USP44: variants seen among roughly 807,000 people sequenced by gnomAD.
USP44 encodes the protein ubiquitin specific peptidase 44.
In USP44, 61 loss-of-function variants were observed where a neutral mutation model predicts 69.0. The ratio of observed to expected loss-of-function variants is 0.88; its 90% CI spans 0.72 to 1.09. USP44 has a LOEUF of 1.09. Ranked by LOEUF, USP44 falls within the 50% of genes least tolerant of loss-of-function variation. The pLI is 0.00. For missense variants in USP44, 753 were observed against 849.9 expected (o/e 0.89, Z 1.42); for synonymous variants, 297 against 295.4 (o/e 1.01, Z -0.06).
chr12:95,533,891 G>A lies in USP44; in HGVS notation c.366C>T (p.Ser122=). ...CTTRSGRFLR[S]MGTGDDSYFL... is the part of the protein sequence containing the mutation. Reference sequence around the variant, plus strand: ...AATAAGAATCATCACCTGTACCCATGGACCGTAAAAACCTCCCACTACGAG... The same window carrying A: ...AATAAGAATCATCACCTGTACCCATAGACCGTAAAAACCTCCCACTACGAG... Residue 122 remains serine, a synonymous_variant, in exon 2 of 6, where the codon TCC becomes TCT. Coordinates refer to ENST00000258499, the MANE Select transcript of USP44 (RefSeq NM_032147.5). 6.2e-7 allele frequency: 1 copy of A among 1,614,068 alleles called. No homozygotes were observed. Among genetic ancestry groups the A allele is most frequent in the South Asian group, 1.1e-5 (1 of 91,080 alleles).
In USP44 at chr12:95,516,891, T is replaced by C. The variant is rs1431287871; in HGVS notation, c.*1263A>G. ...TTCAACCTGCAAATAAACCCACTTATAAAAAAGGGATACATGATCTTCCTG... is the reference window on the plus strand; with the variant it reads ...TTCAACCTGCAAATAAACCCACTTACAAAAAAGGGATACATGATCTTCCTG... On this transcript the variant is annotated 3_prime_UTR_variant, in exon 6 of 6. Coordinates refer to ENST00000258499, the MANE Select transcript of USP44 (RefSeq NM_032147.5). 3 of 152,176 alleles carry C rather than the reference T, an allele frequency of 2.0e-5. No individual in the cohort carries two copies. Among genetic ancestry groups the C allele is most frequent in the Middle Eastern group, 3.4e-3 (1 of 294 alleles). 9.4% of individuals were successfully genotyped at this position (152,176 alleles called of 1,614,324 possible).
At chr12:95,521,681 T>C (rs2140216920) in intron 4 of USP44, among the ~76,000 whole-genome samples, 1 of 152,268 alleles carries the variant, frequency 6.6e-6, no homozygotes, top group African/African-American at 2.4e-5. Context: ...GAGACAGGAC[T>C]TTATCATGTT....
At chr12:95,526,019 C>T (rs548140210) in intron 3 of USP44, among the ~76,000 whole-genome samples, 1 of 152,318 alleles carries the variant, frequency 6.6e-6, no homozygotes, top group South Asian at 2.1e-4. Context: ...CCTAGCACAT[C>T]GGTCCAAGGG....
chr12:95,537,533 A>G (rs887595406), intron 1 of USP44, among the ~76,000 whole-genome samples: 12 of 152,000 alleles, frequency 7.9e-5, no homozygotes, highest in Non-Finnish European at 1.5e-4. Context: ...TGGCCAGGCT[A>G]GTCTTGAGCT....
chr12:95,528,721 G>T, intron 3 of USP44, 86 bp downstream of exon 3: 1 of 1,387,338 alleles, frequency 7.2e-7, no homozygotes, highest in Non-Finnish European at 9.7e-7. Flanking sequence ...TTTCATAACT[G>T]CTAAAGATTT....
chr12:95,536,199 C>A (rs111650863), intron 1 of USP44, among the ~76,000 whole-genome samples: 13 of 151,864 alleles, frequency 8.6e-5, no homozygotes, highest in Admixed American at 8.5e-4. Flanking sequence ...TGTGCCATTA[C>A]GCCTGGCTAA....
At position 95,518,049 on chromosome 12, in the gene USP44, G is replaced by A; in HGVS notation, c.*105C>T. On this transcript the variant is annotated 3_prime_UTR_variant, in exon 6 of 6. Coordinates refer to ENST00000258499, the MANE Select transcript of USP44 (RefSeq NM_032147.5). Reference sequence around the variant, plus strand: ...ATTGTTAGATATAAAATGTATAAATGTAGTATACACTGATTCACAAGAAAA... The same window carrying A: ...ATTGTTAGATATAAAATGTATAAATATAGTATACACTGATTCACAAGAAAA... 2.5e-6 allele frequency: 3 copies of A among 1,191,140 alleles called. No individual in the cohort carries two copies. Among genetic ancestry groups the A allele is most frequent in the Non-Finnish European group, 3.5e-6 (3 of 852,666 alleles). 73.8% of individuals were successfully genotyped at this position (1,191,140 alleles called of 1,614,324 possible).
At position 95,518,208 on chromosome 12, in the gene USP44, C is replaced by A; in HGVS notation, c.2085G>T (p.Gly695=). The A allele has an allele frequency of 6.2e-7, 1 of 1,614,088 alleles. No homozygotes were observed. The highest frequency in any genetic ancestry group is 8.5e-7 in the Non-Finnish European group (1 of 1,180,010). ...SKLLPPELLL[G]SQHPNEDADT... ...CAGCGTCTTCATTGGGATGTTGGCT[C>A]CCCAACAGGAGCTCTGGAGGCAAAA... Residue 695 remains glycine, a synonymous_variant, in exon 6 of 6, where the codon GGG becomes GGT. Transcript: ENST00000258499.
chr12:95,550,982 C>CT (rs2077714215), intron 1 of USP44, among the ~76,000 whole-genome samples: 1 of 152,062 alleles, frequency 6.6e-6, no homozygotes, highest in Admixed American at 6.6e-5. Flanking sequence ...TTTCTTCATA[C>CT]TTATTACTAC....
chr12:95,530,715 A>G (rs2076992860), intron 2 of USP44, among the ~76,000 whole-genome samples: 1 of 152,146 alleles, frequency 6.6e-6, no homozygotes, highest in Non-Finnish European at 1.5e-5. Flanking sequence ...CACTTTCTGG[A>G]AAGAACTTTG....
chr12:95,533,875 C>A lies in USP44; in HGVS notation c.382G>T (p.Asp128Tyr). 6.2e-7 allele frequency: 1 copy of A among 1,614,120 alleles called. No individual in the cohort carries two copies. Among genetic ancestry groups the A allele is most frequent in the Non-Finnish European group, 8.5e-7 (1 of 1,180,012 alleles). ...GCACCGTCATGTAAGAAATAAGAAT[C>A]ATCACCTGTACCCATGGACCGTAAA... ...RFLRSMGTGD[D>Y]SYFLHDGAQS... The change falls in exon 2 of 6, where the codon GAT (aspartate) becomes TAT (tyrosine). Residue 128 changes from aspartate to tyrosine, a missense_variant. By Grantham distance (160) the Asp-to-Tyr change is radical. Transcript: ENST00000258499.
chr12:95,542,691 G>C (rs2077428143), intron 1 of USP44, among the ~76,000 whole-genome samples: 1 of 151,730 alleles, frequency 6.6e-6, no homozygotes, highest in South Asian at 2.1e-4. Context: ...GAACCCTGGA[G>C]GCGGAGGTTG....
chr12:95,538,930 T>C (rs1207731465), intron 1 of USP44, among the ~76,000 whole-genome samples: 1 of 152,252 alleles, frequency 6.6e-6, no homozygotes, highest in East Asian at 1.9e-4. Context: ...ATGCATTCGC[T>C]CTGGCGTCAG....
intron 2 of USP44, among the ~76,000 whole-genome samples, chr12:95,530,735 A>G (rs1410944845): frequency 1.3e-5 from 2 of 152,224 alleles, no homozygotes; most frequent in Non-Finnish European, 2.9e-5. Context: ...GTCACCAAGT[A>G]TCAGAAGTCT....
chr12:95,518,064 T>G lies in USP44; in HGVS notation c.*90A>C. The G allele has an allele frequency of 7.0e-7, 1 of 1,421,820 alleles. No individual in the cohort carries two copies. The highest frequency in any genetic ancestry group is 1.3e-5 in the South Asian group (1 of 77,624). The allele number at this position is 1,421,820 out of a possible 1,614,324, so 88.1% of individuals were successfully genotyped here. On this transcript the variant is annotated 3_prime_UTR_variant, in exon 6 of 6. Transcript: ENST00000258499. ...ATGTATAAATGTAGTATACACTGAT[T>G]CACAAGAAAAAATGAAGTTTAAAAT... is the stretch of plus-strand genomic sequence containing the variant.
chr12:95,538,582 G>A (rs564976858), intron 1 of USP44, among the ~76,000 whole-genome samples: 1 of 152,062 alleles, frequency 6.6e-6, no homozygotes, highest in Admixed American at 6.5e-5. Flanking sequence ...TTTAAAAATA[G>A]ACGTGAAACC....
intron 2 of USP44, among the ~76,000 whole-genome samples, chr12:95,530,898 C>T (rs766137883): frequency 6.6e-6 from 1 of 152,208 alleles, no homozygotes; most frequent in South Asian, 2.1e-4. Context: ...GGAGCAGTGG[C>T]TCATGCCTGT....
chr12:95,549,033 C>A (rs900943704), intron 1 of USP44, among the ~76,000 whole-genome samples: 1 of 152,178 alleles, frequency 6.6e-6, no homozygotes, highest in South Asian at 2.1e-4. Flanking sequence ...AGCACTGCCT[C>A]CCCGGGCGGG....
At chr12:95,538,451 G>C (rs2077276040) in intron 1 of USP44, among the ~76,000 whole-genome samples, 1 of 151,924 alleles carries the variant, frequency 6.6e-6, no homozygotes, top group Admixed American at 6.6e-5. Flanking sequence ...TCAGCCAAAT[G>C]TGTACTAAGC....
Sources: allele counts gnomAD v4.1 joint callset (sites outside exome capture counted in the v4.1 genomes callset), GRCh38; gene constraint gnomAD v4.1.1; transcripts MANE v1.5; gene names NCBI Gene and HGNC (gene_info 2026-07-23, HGNC 2026-07-21).